DEPDC5: variants seen among roughly 807,000 people sequenced by gnomAD.
DEPDC5 encodes GATOR1 complex protein DEPDC5.
In DEPDC5, 73 loss-of-function variants were observed where a neutral mutation model predicts 217.3. That is an observed-to-expected ratio of 0.34 (90% CI 0.28 to 0.41). DEPDC5 has a LOEUF of 0.41. Ranked by LOEUF, DEPDC5 falls within the 10% of genes least tolerant of loss-of-function variation. The probability of loss-of-function intolerance (pLI) is 1.00; values close to 1 mark genes in which losing one functional copy is unlikely to be tolerated. For synonymous variants in DEPDC5, 733 were observed against 756.7 expected (o/e 0.97, Z 0.51); for missense variants, 1,675 against 2,070.1 (o/e 0.81, Z 3.70).
intron 10 of DEPDC5, among the ~76,000 whole-genome samples, chr22:31,789,780 T>G (rs2085421804): frequency 6.6e-6 from 1 of 152,214 alleles, no homozygotes; most frequent in South Asian, 2.1e-4. Context: ...TTTTTTTTCT[T>G]TTTTGATTAA....
intron 18 of DEPDC5, among the ~76,000 whole-genome samples, chr22:31,808,404 G>T (rs1198918496): frequency 6.6e-6 from 1 of 151,822 alleles, no homozygotes; most frequent in Admixed American, 6.6e-5. Context: ...GGGATTACAG[G>T]TGTGCGCCAC....
At chr22:31,830,411 C>T (rs1294535021) in intron 24 of DEPDC5, among the ~76,000 whole-genome samples, 1 of 152,194 alleles carries the variant, frequency 6.6e-6, no homozygotes, top group African/African-American at 2.4e-5. Context: ...GTTTCACCTC[C>T]ATCATTGCAG....
Position 31,857,534 on chromosome 22 carries a change from A to G in DEPDC5, c.3245A>G (p.Tyr1082Cys). 1 of 1,611,456 alleles carries G rather than the reference A, an allele frequency of 6.2e-7. No homozygotes were observed. The highest frequency in any genetic ancestry group is 8.5e-7 in the Non-Finnish European group (1 of 1,178,922). ...ESSSVAMTPT[Y>C]MDSPRKDGAF... ...AGCAGCGTTGCCATGACTCCCACCT[A>G]CATGGACAGCCCACGAAAGGTAAAG... Residue 1082 changes from tyrosine to cysteine, a missense_variant, in exon 32 of 43, where the codon TAC (tyrosine) becomes TGC (cysteine). By Grantham distance (194) the Tyr-to-Cys change is radical (BLOSUM62 -2). Transcript: ENST00000651528.
intron 14 of DEPDC5, among the ~76,000 whole-genome samples, chr22:31,800,915 G>A (rs2086798522): frequency 6.6e-6 from 1 of 151,954 alleles, no homozygotes; most frequent in South Asian, 2.1e-4. Flanking sequence ...GGTGGAGGTT[G>A]TGGCGAGCAG....
intron 33 of DEPDC5, among the ~76,000 whole-genome samples, chr22:31,864,631 T>C (rs2092633780): frequency 1.3e-5 from 2 of 151,502 alleles, no homozygotes; most frequent in Non-Finnish European, 2.9e-5. Flanking sequence ...TATCCATTTC[T>C]CAGTCATGCG....
chr22:31,811,745 C>CA (rs2088369861), intron 20 of DEPDC5, among the ~76,000 whole-genome samples: 1 of 151,824 alleles, frequency 6.6e-6, no homozygotes, highest in African/African-American at 2.4e-5. Context: ...GATGAGGTCT[C>CA]ACATATTGCC....
Position 31,819,129 on chromosome 22 carries a change from A to C in DEPDC5, c.1774A>C (p.Thr592Pro), listed in dbSNP as rs1272621840. The change falls in exon 22 of 43, where the codon ACG becomes CCG. Residue 592 changes from threonine to proline, a missense_variant. Transcript: ENST00000651528. ...SMLHVRPGGY[T>P]PQRALINPFA... ...GCTGCATGTTCGACCTGGTGGATAC[A>C]CGCCCCAGAGAGCACTGATTAACCC... 1.2e-6 allele frequency: 2 copies of C among 1,614,178 alleles called. No homozygotes were observed. The highest frequency in any genetic ancestry group is 1.7e-6 in the Non-Finnish European group (2 of 1,180,022).
intron 8 of DEPDC5, among the ~76,000 whole-genome samples, chr22:31,782,230 C>T (rs1053256366): frequency 1.1e-4 from 16 of 151,670 alleles, no homozygotes; most frequent in South Asian, 2.1e-4. Context: ...CTCAGCCTCC[C>T]GGATTCAAGC....
intron 4 of DEPDC5, among the ~76,000 whole-genome samples, chr22:31,762,496 G>T (rs999007652): frequency 1.2e-4 from 18 of 152,204 alleles, no homozygotes; most frequent in Non-Finnish European, 2.9e-5. Context: ...GGGTGCAGTG[G>T]CTGACGCCTG....
At position 31,836,878 on chromosome 22, in the gene DEPDC5, T is replaced by C. The variant is rs73884221; in HGVS notation, c.2171-94T>C. ...TACCATCTTTCACCCTGAACTTTTT[T>C]CCCCACTCTTCCCTCCCCTTCCCTC... On this transcript the variant is annotated intron_variant, in intron 25 of 42. Transcript: ENST00000651528. 168 of 1,206,432 alleles carry C rather than the reference T, an allele frequency of 1.4e-4. 2 individuals are homozygous for C. In the African/African-American group the frequency reaches 2.1e-3, roughly 15 times the overall value. The allele number at this position is 1,206,432 out of a possible 1,614,324, so 74.7% of individuals were successfully genotyped here.
chr22:31,798,498 A>G lies in DEPDC5; in HGVS notation c.872-84A>G, dbSNP rs146635593. ...GTGCTGCTCCACTCCAGCCTGGGTGACACAGCAAGGCTTCGTTTAAAATTA... is the reference window on the plus strand; with the variant it reads ...GTGCTGCTCCACTCCAGCCTGGGTGGCACAGCAAGGCTTCGTTTAAAATTA... On this transcript the variant is annotated intron_variant, in intron 13 of 42. Coordinates refer to ENST00000651528, the MANE Select transcript of DEPDC5 (RefSeq NM_001242896.3). 4.7e-4 allele frequency: 566 copies of G among 1,216,628 alleles called. 3 individuals are homozygous for G. The African/African-American group carries it at 7.6e-3, about 16-fold the overall frequency. The allele number at this position is 1,216,628 out of a possible 1,614,324, so 75.4% of individuals were successfully genotyped here.
intron 39 of DEPDC5, among the ~76,000 whole-genome samples, chr22:31,895,880 G>C (rs112762893): frequency 1.3e-5 from 2 of 151,784 alleles, no homozygotes; most frequent in African/African-American, 2.4e-5. Flanking sequence ...ACAGCCTGCT[G>C]CTCATTCTGC....
At chr22:31,788,139 T>G (rs1410220526) in intron 10 of DEPDC5, among the ~76,000 whole-genome samples, 1 of 151,950 alleles carries the variant, frequency 6.6e-6, no homozygotes, top group Non-Finnish European at 1.5e-5. Flanking sequence ...GAATCAACAT[T>G]TCTCTAAAGA....
chr22:31,896,322 G>T (rs1569229903), intron 39 of DEPDC5, among the ~76,000 whole-genome samples: 1 of 152,140 alleles, frequency 6.6e-6, no homozygotes, highest in Non-Finnish European at 1.5e-5. Flanking sequence ...CCAAGGCTTA[G>T]GAATTATTTC....
intron 8 of DEPDC5, among the ~76,000 whole-genome samples, chr22:31,782,138 AT>A (rs771378249): frequency 0.081 from 11,631 of 142,916 alleles, 366 homozygotes; most frequent in South Asian, 0.18. Flanking sequence ...TCTGAAAAAA[AT>A]TTTTTTTTTT....
chr22:31,821,232 C>G (rs913235970), intron 22 of DEPDC5, among the ~76,000 whole-genome samples: 2 of 152,192 alleles, frequency 1.3e-5, no homozygotes, highest in African/African-American at 4.8e-5. Context: ...TTGTATATTT[C>G]ACTGTGGCTA....
intron 8 of DEPDC5, among the ~76,000 whole-genome samples, chr22:31,781,295 A>G (rs887972601): frequency 3.3e-5 from 5 of 151,614 alleles, no homozygotes; most frequent in Non-Finnish European, 7.4e-5. Context: ...CAGGTTTTCC[A>G]TTAAATTAAT....
intron 33 of DEPDC5, among the ~76,000 whole-genome samples, chr22:31,869,444 A>T (rs113251521): frequency 7.2e-5 from 11 of 151,968 alleles, no homozygotes; most frequent in Non-Finnish European, 1.0e-4. Flanking sequence ...TCCCACCTGT[A>T]ATCCCTGCTA....
intron 29 of DEPDC5, among the ~76,000 whole-genome samples, 182 bp downstream of exon 29, chr22:31,843,994 G>A (rs888244968): frequency 6.6e-6 from 1 of 152,070 alleles, no homozygotes; most frequent in Admixed American, 6.5e-5. Flanking sequence ...GGGAGGCCGA[G>A]GTTGGCAGAT....
Sources: allele counts gnomAD v4.1 joint callset (sites outside exome capture counted in the v4.1 genomes callset), GRCh38; gene constraint gnomAD v4.1.1; transcripts MANE v1.5; gene names NCBI Gene and HGNC (gene_info 2026-07-23, HGNC 2026-07-21).